RANBP2: variants seen among roughly 807,000 people sequenced by gnomAD.
RANBP2 encodes the protein RAN binding protein 2.
Under a neutral mutation model 303.6 loss-of-function variants are expected in RANBP2, and 57 were observed. That is an observed-to-expected ratio of 0.19 (90% CI 0.15 to 0.23). The LOEUF is 0.23. Among genes scored for constraint, RANBP2 ranks in the 10% least tolerant of loss-of-function variants. The probability of loss-of-function intolerance (pLI) is 1.00; values close to 1 mark genes in which losing one functional copy is unlikely to be tolerated. For missense variants in RANBP2, 3,138 were observed against 3,780.8 expected (o/e 0.83, Z 4.46); for synonymous variants, 1,167 against 1,301.5 (o/e 0.90, Z 2.23).
chr2:108,804,749 T>C, the RANBP2 span: 1 of 606,944 alleles, frequency 1.6e-6, no homozygotes, highest in Non-Finnish European at 2.6e-6. Context: ...CTTGCCACAC[T>C]AGTCACTTGT....
At chr2:109,538,144 T>C in the RANBP2 span, among the ~76,000 whole-genome samples, 2 of 152,200 alleles carry the variant, frequency 1.3e-5, no homozygotes, top group Non-Finnish European at 2.9e-5. Context: ...CTCCAGCCAC[T>C]ACCTGGCTTG....
the RANBP2 span, among the ~76,000 whole-genome samples, chr2:108,887,013 T>C: frequency 1.3e-5 from 2 of 152,172 alleles, no homozygotes; most frequent in Non-Finnish European, 2.9e-5. Flanking sequence ...TATAGTTTCA[T>C]GTCCTATGTG....
In RANBP2 at chr2:108,769,835, G is replaced by A. The variant is rs572062819; in HGVS notation, c.7849+1447G>A. ...AAGTGTGGCTACTAGAGTGGAACAA[G>A]AAGTGGGATCTGTTGAAGGCCTTCA... On this transcript the variant is annotated intron_variant, in intron 20 of 28. Transcript: ENST00000283195. Among the ~76,000 whole-genome samples, 803 of 151,962 alleles carry A rather than the reference G, an allele frequency of 5.3e-3. 3 individuals are homozygous for A. The highest frequency in any genetic ancestry group is 0.01 in the Middle Eastern group (3 of 294).
At chr2:108,889,602 C>A in the RANBP2 span, among the ~76,000 whole-genome samples, 1 of 150,846 alleles carries the variant, frequency 6.6e-6, no homozygotes, top group Non-Finnish European at 1.5e-5. Context: ...TTTATCTCAT[C>A]AGTACAGCTA....
At chr2:108,912,548 C>A in the RANBP2 span, 2 of 835,522 alleles carry the variant, frequency 2.4e-6, no homozygotes, top group Non-Finnish European at 4.0e-6. Flanking sequence ...CATTCAATTA[C>A]ATTAGGGAGG....
At chr2:109,535,569 T>C in the RANBP2 span, among the ~76,000 whole-genome samples, 1 of 152,210 alleles carries the variant, frequency 6.6e-6, no homozygotes, top group Admixed American at 6.5e-5. Flanking sequence ...CAAGCTGCTT[T>C]AACTTTGTGG....
the RANBP2 span, among the ~76,000 whole-genome samples, chr2:109,242,272 C>G: frequency 6.6e-6 from 1 of 152,254 alleles, no homozygotes; most frequent in South Asian, 2.1e-4. Context: ...CATGGGTTCC[C>G]CCTAGCAGTT....
chr2:109,536,797 G>A, the RANBP2 span, among the ~76,000 whole-genome samples: 8 of 152,156 alleles, frequency 5.3e-5, 1 homozygote, highest in South Asian at 6.2e-4. Flanking sequence ...TCATGGGGAC[G>A]TCTTTCCTGT....
At chr2:109,479,890 C>T in the RANBP2 span, among the ~76,000 whole-genome samples, 1 of 152,128 alleles carries the variant, frequency 6.6e-6, no homozygotes, top group Non-Finnish European at 1.5e-5. Context: ...AACCCACCTG[C>T]AGCACGAGGA....
Position 108,720,287 on chromosome 2 carries a change from C to T in RANBP2, c.72+609C>T, listed in dbSNP as rs1028728288. Reference sequence around the variant, plus strand: ...CTGTCCCTTTGTAAGGGTCCAGCTCCACTCCGCTCCTCATACTCACCTCCC... The same window carrying T: ...CTGTCCCTTTGTAAGGGTCCAGCTCTACTCCGCTCCTCATACTCACCTCCC... On this transcript the variant is annotated intron_variant, in intron 1 of 28. Coordinates refer to ENST00000283195, the MANE Select transcript of RANBP2 (RefSeq NM_006267.5). 9 of 875,300 alleles carry T rather than the reference C, an allele frequency of 1.0e-5. 2 individuals are homozygous for T. Among genetic ancestry groups the T allele is most frequent in the Non-Finnish European group, 1.2e-5 (9 of 736,476 alleles). 54.2% of individuals were successfully genotyped at this position (875,300 alleles called of 1,614,324 possible).
At chr2:109,545,091 T>A in the RANBP2 span, 1 of 985,262 alleles carries the variant, frequency 1.0e-6, no homozygotes, top group Non-Finnish European at 1.2e-6. Context: ...TGAAAATGGG[T>A]CTGAAATAGA....
chr2:109,433,115 G>A, the RANBP2 span, among the ~76,000 whole-genome samples: 43 of 152,346 alleles, frequency 2.8e-4, no homozygotes, highest in Non-Finnish European at 4.3e-4. Context: ...GCCTGTGCAC[G>A]TGCGTATGCA....
the RANBP2 span, chr2:109,553,315 C>A: frequency 3.2e-6 from 4 of 1,269,066 alleles, no homozygotes; most frequent in Non-Finnish European, 4.4e-6. Flanking sequence ...GAGGCCGAGG[C>A]AGGTGGATCA....
At chr2:109,570,411 C>A in the RANBP2 span, among the ~76,000 whole-genome samples, 2 of 152,030 alleles carry the variant, frequency 1.3e-5, no homozygotes, top group South Asian at 4.1e-4. Flanking sequence ...ATTCAACCAA[C>A]TGAGGATCAA....
At chr2:108,977,429 T>A in the RANBP2 span, among the ~76,000 whole-genome samples, 3 of 151,912 alleles carry the variant, frequency 2.0e-5, no homozygotes, top group African/African-American at 7.3e-5. Context: ...CCACCATGCC[T>A]GGCTAATTTT....
At chr2:109,032,161 CCT>C in the RANBP2 span, among the ~76,000 whole-genome samples, 7 of 152,254 alleles carry the variant, frequency 4.6e-5, no homozygotes, top group East Asian at 1.9e-4. Context: ...CCACCTTCCC[CCT>C]GTTTTGTTAA....
chr2:108,945,774 G>A, the RANBP2 span, among the ~76,000 whole-genome samples: 2 of 152,168 alleles, frequency 1.3e-5, no homozygotes, highest in Non-Finnish European at 2.9e-5. Context: ...CATGAACCTT[G>A]AGGACATTTT....
the RANBP2 span, among the ~76,000 whole-genome samples, chr2:109,296,493 C>T: frequency 6.6e-6 from 1 of 152,110 alleles, no homozygotes; most frequent in Non-Finnish European, 1.5e-5. Flanking sequence ...CCACCCGCTT[C>T]AGCCTCCCAA....
the RANBP2 span, among the ~76,000 whole-genome samples, chr2:108,976,372 T>C: frequency 1.3e-5 from 2 of 152,206 alleles, no homozygotes; most frequent in Admixed American, 6.5e-5. Context: ...GCCATTCTCA[T>C]CACATGAAGG....
Sources: allele counts gnomAD v4.1 joint callset (sites outside exome capture counted in the v4.1 genomes callset), GRCh38; gene constraint gnomAD v4.1.1; transcripts MANE v1.5; gene names NCBI Gene and HGNC (gene_info 2026-07-23, HGNC 2026-07-21).